Variants in GPHN observed in about 807,000 individuals in gnomAD.
GPHN encodes gephyrin.
Under a neutral mutation model 95.5 loss-of-function variants are expected in GPHN, and 17 were observed. The ratio of observed to expected loss-of-function variants is 0.18; its 90% confidence interval spans 0.12 to 0.27. The LOEUF (loss-of-function observed/expected upper bound fraction) is 0.27, where lower values mean the gene tolerates loss of function less well. GPHN is among the 10% of genes least tolerant of loss of function. GPHN has a pLI of 1.00. For synonymous variants in GPHN, 320 were observed against 322.5 expected (o/e 0.99, Z 0.08); for missense variants, 660 against 978.1 (o/e 0.67, Z 4.34).
intron 1 of GPHN, among the ~76,000 whole-genome samples, chr14:66,530,541 T>C (rs1254703057): frequency 6.6e-6 from 1 of 152,038 alleles, no homozygotes; most frequent in Admixed American, 6.6e-5. Context: ...TCGCTGTCTG[T>C]CCAAACGACC....
Position 66,830,159 on chromosome 14 carries a change from A to G in GPHN, c.294+5593A>G, listed in dbSNP as rs2061533419. ...CTTTGCAAAAAAAGTTTGTCCACCCATGGCCTTTTGGATGACAACAAGTCA... is the reference window on the plus strand; with the variant it reads ...CTTTGCAAAAAAAGTTTGTCCACCCGTGGCCTTTTGGATGACAACAAGTCA... On this transcript the variant is annotated intron_variant, in intron 4 of 22. Transcript: ENST00000478722. Among the ~76,000 whole-genome samples the G allele has an allele frequency of 5.9e-5, 9 of 152,234 alleles. No individual in the cohort carries two copies. In the South Asian group the frequency reaches 1.7e-3, roughly 28 times the overall value.
chr14:66,820,621 C>G (rs1033977707), intron 3 of GPHN, among the ~76,000 whole-genome samples: 7 of 152,102 alleles, frequency 4.6e-5, no homozygotes, highest in Non-Finnish European at 1.0e-4. Context: ...TAGTTTGCAT[C>G]TCTGTAGATT....
chr14:67,653,759 C>T, the GPHN span, among the ~76,000 whole-genome samples: 2 of 152,150 alleles, frequency 1.3e-5, no homozygotes, highest in Non-Finnish European at 2.9e-5. Context: ...AATCTTCTAC[C>T]GTGGCTACTC....
the GPHN span, chr14:67,364,260 G>A: frequency 1.3e-5 from 2 of 152,052 alleles, no homozygotes; most frequent in African/African-American, 4.8e-5. Context: ...CTGTAATTTT[G>A]GCTATAATAA....
the GPHN span, among the ~76,000 whole-genome samples, chr14:67,500,023 C>T: frequency 6.6e-6 from 1 of 152,048 alleles, no homozygotes; most frequent in African/African-American, 2.4e-5. Flanking sequence ...AGTCATAGCT[C>T]CTCTACAGTT....
chr14:66,776,564 T>C, intron 3 of GPHN, 43 bp downstream of exon 3: 1 of 1,081,536 alleles, frequency 9.2e-7, no homozygotes, highest in Non-Finnish European at 1.4e-6. Flanking sequence ...TTTAGCATCT[T>C]GGTGAGGGGT....
chr14:67,338,068 GACTT>G, the GPHN span: 2 of 152,250 alleles, frequency 1.3e-5, no homozygotes, highest in Non-Finnish European at 2.9e-5. Flanking sequence ...AAAACGGAAT[GACTT>G]ACTTTTAAAT....
At chr14:66,930,352 TA>T (rs1397096272) in intron 8 of GPHN, among the ~76,000 whole-genome samples, 3 of 152,104 alleles carry the variant, frequency 2.0e-5, no homozygotes, top group Non-Finnish European at 2.9e-5. Context: ...GCCTTGCAAA[TA>T]CTATCTTATA....
chr14:67,700,054 C>A, the GPHN span, among the ~76,000 whole-genome samples: 29 of 151,644 alleles, frequency 1.9e-4, no homozygotes, highest in African/African-American at 7.0e-4. Context: ...GCAGGAGAAT[C>A]GCTTGAACCT....
At chr14:66,581,624 C>T (rs1263779184) in intron 1 of GPHN, among the ~76,000 whole-genome samples, 5 of 151,554 alleles carry the variant, frequency 3.3e-5, no homozygotes, top group Admixed American at 3.3e-4. Flanking sequence ...AAAATAAGAC[C>T]CAAGTATGTT....
chr14:67,717,448 C>G, the GPHN span, among the ~76,000 whole-genome samples: 2 of 152,228 alleles, frequency 1.3e-5, no homozygotes, highest in Admixed American at 6.5e-5. Context: ...ATATTAATAA[C>G]TTGCTGTGGA....
At chr14:67,059,237 AT>A (rs1012399374) in intron 11 of GPHN, among the ~76,000 whole-genome samples, 3 of 152,140 alleles carry the variant, frequency 2.0e-5, no homozygotes, top group Non-Finnish European at 4.4e-5. Context: ...GTAAAAAAAA[AT>A]ATTAATTTAT....
At chr14:67,377,057 C>G in the GPHN span, among the ~76,000 whole-genome samples, 2 of 152,120 alleles carry the variant, frequency 1.3e-5, no homozygotes, top group African/African-American at 4.8e-5. Flanking sequence ...CCCAGTTGGT[C>G]CTATTATTTG....
chr14:66,621,276 A>ATT (rs60290048), intron 1 of GPHN, among the ~76,000 whole-genome samples: 38 of 129,656 alleles, frequency 2.9e-4, no homozygotes, highest in Admixed American at 5.2e-4. Context: ...CACCCAGCCA[A>ATT]TTTTTTTTTT....
At chr14:67,592,950 T>A in the GPHN span, among the ~76,000 whole-genome samples, 1 of 151,988 alleles carries the variant, frequency 6.6e-6, no homozygotes, top group Non-Finnish European at 1.5e-5. Flanking sequence ...CATGCCCGGC[T>A]AATTTTTTGT....
intron 4 of GPHN, among the ~76,000 whole-genome samples, chr14:66,825,838 T>C (rs572022150): frequency 9.9e-5 from 15 of 152,214 alleles, no homozygotes; most frequent in Admixed American, 4.6e-4. Flanking sequence ...AGCTTCTGGC[T>C]TCTATAGTTA....
the GPHN span, among the ~76,000 whole-genome samples, chr14:67,190,227 C>CTT: frequency 0.027 from 3,298 of 123,520 alleles, 46 homozygotes; most frequent in Middle Eastern, 0.033. Context: ...TTGTTCTTTT[C>CTT]TTTTTTTTTT....
intron 8 of GPHN, among the ~76,000 whole-genome samples, chr14:66,957,730 G>A (rs1468495004): frequency 2.0e-5 from 3 of 152,068 alleles, no homozygotes; most frequent in South Asian, 2.1e-4. Context: ...TCTATTGAAG[G>A]GGTCCCCAAG....
chr14:66,978,660 C>T (rs1215740243), intron 9 of GPHN, among the ~76,000 whole-genome samples: 1 of 152,182 alleles, frequency 6.6e-6, no homozygotes, highest in Non-Finnish European at 1.5e-5. Flanking sequence ...AACTCCTAAA[C>T]ATCCATATGG....
Sources: gnomAD v4.1 joint callset for allele counts (sites outside exome capture counted in the v4.1 genomes callset) on GRCh38, gnomAD v4.1.1 for gene constraint, MANE v1.5 for transcripts, NCBI Gene and HGNC (gene_info 2026-07-23, HGNC 2026-07-21) for gene names.